ATP9A: variants seen among roughly 807,000 people sequenced by gnomAD.
ATP9A encodes probable phospholipid-transporting ATPase IIA.
Under a neutral mutation model 144.1 loss-of-function variants are expected in ATP9A, and 52 were observed. The observed-to-expected ratio is 0.36, with a 90% CI of 0.29 to 0.45. The LOEUF is 0.45. Ranked by LOEUF, ATP9A falls within the 20% of genes least tolerant of loss-of-function variation. ATP9A has a pLI of 1.00. For synonymous variants in ATP9A, 582 were observed against 557.4 expected, an observed-to-expected ratio of 1.04 and a Z score of -0.62; for missense variants, 947 against 1,392.7, an observed-to-expected ratio of 0.68 and a Z score of 5.09.
intron 14 of ATP9A, among the ~76,000 whole-genome samples, chr20:51,641,601 G>A (rs2077319198): frequency 6.6e-6 from 1 of 151,410 alleles, no homozygotes; most frequent in Non-Finnish European, 1.5e-5. Flanking sequence ...GATCACCTGA[G>A]GTCAGGAGTT....
chr20:51,762,664 C>G (rs1002218054), intron 1 of ATP9A, among the ~76,000 whole-genome samples: 13 of 141,950 alleles, frequency 9.2e-5, no homozygotes, highest in Admixed American at 2.1e-4. Flanking sequence ...TGTCTAAAAA[C>G]AAACAAACAA....
At chr20:51,692,739 T>C (rs972716333) in intron 7 of ATP9A, among the ~76,000 whole-genome samples, 1 of 151,910 alleles carries the variant, frequency 6.6e-6, no homozygotes, top group Admixed American at 6.6e-5. Context: ...GAGGTGGAGG[T>C]TGCAGTGAGC....
chr20:51,715,687 T>C lies in ATP9A; in HGVS notation c.328-2613A>G, dbSNP rs561427409. Among the ~76,000 whole-genome samples, 4 of 152,322 alleles carry C rather than the reference T, an allele frequency of 2.6e-5. No homozygotes were observed. In the South Asian group the frequency reaches 8.3e-4, roughly 32 times the overall value. On this transcript the variant is annotated intron_variant, in intron 3 of 27. Coordinates refer to ENST00000338821, the MANE Select transcript of ATP9A (RefSeq NM_006045.3). ...GGGCCACGCCATGCCTTAGTATTTT[T>C]ACTAGAGACAGGGTTTCACCGTATT...
At chr20:51,609,870 A>G (rs1015534853) in intron 24 of ATP9A, among the ~76,000 whole-genome samples, 3 of 152,196 alleles carry the variant, frequency 2.0e-5, no homozygotes, top group African/African-American at 7.2e-5. Context: ...AAAGTGCAAC[A>G]CACCACACAC....
rs983127168 is a variant in ATP9A, at chr20:51,742,796, T to G, written c.69-12818A>C. Reference sequence around the variant, plus strand: ...TCCCAAAGTGCTGGGATTAGAGGCATGAGCCGCCGCACCTGGCCCCTCCTT... The same window carrying G: ...TCCCAAAGTGCTGGGATTAGAGGCAGGAGCCGCCGCACCTGGCCCCTCCTT... On this transcript the variant is annotated intron_variant, in intron 1 of 27. Coordinates refer to ENST00000338821, the MANE Select transcript of ATP9A (RefSeq NM_006045.3). Among the ~76,000 whole-genome samples the G allele has an allele frequency of 2.0e-5, 3 of 152,216 alleles. 1 individual carries two copies. Among genetic ancestry groups the G allele is most frequent in the Admixed American group, 1.3e-4 (2 of 15,278 alleles).
At chr20:51,636,220 G>T (rs778514673) in intron 15 of ATP9A, among the ~76,000 whole-genome samples, 1 of 152,202 alleles carries the variant, frequency 6.6e-6, no homozygotes, top group Non-Finnish European at 1.5e-5. Context: ...CAAGCAGGCA[G>T]GTAGATGGCG....
intron 15 of ATP9A, among the ~76,000 whole-genome samples, chr20:51,630,113 T>C (rs2077264472): frequency 6.6e-6 from 1 of 152,162 alleles, no homozygotes; most frequent in Non-Finnish European, 1.5e-5. Flanking sequence ...GGGGTGCTGC[T>C]CACCCTCCTA....
chr20:51,696,219 C>A lies in ATP9A; in HGVS notation c.496-75G>T, dbSNP rs536225303. 8.2e-4 allele frequency: 1,153 copies of A among 1,404,166 alleles called. 2 individuals are homozygous for A. The highest frequency in any genetic ancestry group is 1.0e-3 in the South Asian group (85 of 84,146). The allele number at this position is 1,404,166 out of a possible 1,614,324, so 87.0% of individuals were successfully genotyped here. A position where few individuals can be genotyped will look rare whatever the true frequency, so the allele number is the denominator to read the frequency against. On this transcript the variant is annotated intron_variant, in intron 5 of 27. Coordinates refer to ENST00000338821, the MANE Select transcript of ATP9A (RefSeq NM_006045.3). Reference sequence around the variant, plus strand: ...GTGCGGTGGGGAGGGGGGCTTCCGCCCCCACCCCCAACCCCTCGGTGGGTT... The same window carrying A: ...GTGCGGTGGGGAGGGGGGCTTCCGCACCCACCCCCAACCCCTCGGTGGGTT...
chr20:51,724,651 G>A (rs1276558386), intron 3 of ATP9A, among the ~76,000 whole-genome samples: 1 of 152,208 alleles, frequency 6.6e-6, no homozygotes, highest in Non-Finnish European at 1.5e-5. Flanking sequence ...CCACAGGGCA[G>A]AAATATTTGT....
At chr20:51,747,290 G>A (rs2077812866) in intron 1 of ATP9A, among the ~76,000 whole-genome samples, 3 of 152,078 alleles carry the variant, frequency 2.0e-5, no homozygotes, top group Admixed American at 6.6e-5. Context: ...CTCTTTAAAT[G>A]TAAAGCTCAG....
At position 51,600,089 on chromosome 20, in the gene ATP9A, A is replaced by G. The variant is rs2077135855; in HGVS notation, c.*1122T>C. On this transcript the variant is annotated 3_prime_UTR_variant, in exon 28 of 28. Transcript: ENST00000338821. ...TTGAAATCTGCCGGCAGTGGAACAG[A>G]TCCCAGATCCCAACGCTGTAGCTTG... The G allele has an allele frequency of 6.6e-6, 1 of 152,140 alleles. No individual in the cohort carries two copies. Among genetic ancestry groups the G allele is most frequent in the African/African-American group, 2.4e-5 (1 of 41,422 alleles). 9.4% of individuals were successfully genotyped at this position (152,140 alleles called of 1,614,324 possible).
intron 3 of ATP9A, among the ~76,000 whole-genome samples, chr20:51,718,982 G>C (rs1271374796): frequency 1.3e-5 from 2 of 151,736 alleles, no homozygotes; most frequent in African/African-American, 4.8e-5. Flanking sequence ...ACAAAAATTA[G>C]CTGGGCGTGG....
In ATP9A at chr20:51,633,410, G is replaced by A. The variant is rs139136939; in HGVS notation, c.1669-4338C>T. Among the ~76,000 whole-genome samples, 1,307 of 152,280 alleles carry A rather than the reference G, an allele frequency of 8.6e-3. 16 individuals carry two copies. The highest frequency in any genetic ancestry group is 0.03 in the South Asian group (147 of 4,822). Reference sequence around the variant, plus strand: ...ATATGCTTAGAAAAGAGACTGAAAGGAAATCCCTTGAAAAGGTAAAAGGTC... The same window carrying A: ...ATATGCTTAGAAAAGAGACTGAAAGAAAATCCCTTGAAAAGGTAAAAGGTC... On this transcript the variant is annotated intron_variant, in intron 15 of 27. Transcript: ENST00000338821.
chr20:51,688,027 A>C (rs6021380), intron 9 of ATP9A, among the ~76,000 whole-genome samples: 1 of 152,104 alleles, frequency 6.6e-6, no homozygotes, highest in African/African-American at 2.4e-5. Flanking sequence ...GCCTAGGTTC[A>C]AGTTCCAACT....
chr20:51,699,245 A>C (rs1274828964), intron 4 of ATP9A, among the ~76,000 whole-genome samples: 1 of 150,392 alleles, frequency 6.6e-6, no homozygotes, highest in Middle Eastern at 3.2e-3. Flanking sequence ...AGGCAGGAGA[A>C]TCGCTTGAAC....
intron 13 of ATP9A, among the ~76,000 whole-genome samples, chr20:51,668,368 C>G (rs1223251067): frequency 6.6e-6 from 1 of 151,698 alleles, no homozygotes; most frequent in African/African-American, 2.4e-5. Context: ...GTCCCAGGTA[C>G]AGCATCCTTA....
intron 15 of ATP9A, among the ~76,000 whole-genome samples, chr20:51,631,278 G>A (rs2077268686): frequency 6.6e-6 from 1 of 152,146 alleles, no homozygotes; most frequent in Non-Finnish European, 1.5e-5. Flanking sequence ...GCCAAGACAG[G>A]CACCCACGTT....
rs1257571421 is a variant in ATP9A at position 51,604,911 on chromosome 20, C to T, written c.2913G>A (p.Leu971=). 1 of 1,611,852 alleles carries T rather than the reference C, an allele frequency of 6.2e-7. No homozygotes were observed. Among genetic ancestry groups the T allele is most frequent in the Non-Finnish European group, 8.5e-7 (1 of 1,178,930 alleles). Residue 971 remains leucine (L), a synonymous_variant, in exon 27 of 28, where the codon CTG becomes CTA. Coordinates refer to ENST00000338821, the MANE Select transcript of ATP9A (RefSeq NM_006045.3). The stretch of plus-strand genomic sequence containing the variant: ...TGAGCCAGTGCCAGGTCTGGATGGT[C>T]AGCGCCACCATGAGCAGCTCGGTGA... ...LILTELLMVA[L]TIQTWHWLMT...
chr20:51,609,278 G>C (rs370778050), intron 24 of ATP9A, among the ~76,000 whole-genome samples: 1 of 152,102 alleles, frequency 6.6e-6, no homozygotes, highest in Non-Finnish European at 1.5e-5. Context: ...AGAACCCGAC[G>C]AAAGACAGCC....
Sources: allele counts gnomAD v4.1 joint callset (sites outside exome capture counted in the v4.1 genomes callset), GRCh38; gene constraint gnomAD v4.1.1; transcripts MANE v1.5; gene names NCBI Gene and HGNC (gene_info 2026-07-23, HGNC 2026-07-21).